Variants in RABGAP1L observed in about 807,000 individuals in gnomAD.
The protein encoded by RABGAP1L is RAB GTPase activating protein 1 like.
RABGAP1L carries 63 observed loss-of-function variants against 137.7 expected under a neutral mutation model. That is an observed-to-expected ratio of 0.46 (90% CI 0.37 to 0.56). The LOEUF is 0.56. Ranked by LOEUF, RABGAP1L falls within the 20% of genes least tolerant of loss-of-function variation. RABGAP1L has a pLI of 0.00. For missense variants in RABGAP1L, 1,095 were observed against 1,244.0 expected (o/e 0.88, Z 1.80); for synonymous variants, 431 against 433.7 (o/e 0.99, Z 0.08).
At chr1:174,534,141 T>C (rs1664684028) in intron 13 of RABGAP1L, among the ~76,000 whole-genome samples, 1 of 98,512 alleles carries the variant, frequency 1.0e-5, no homozygotes, top group Non-Finnish European at 2.1e-5. Flanking sequence ...TCTGTGTGTG[T>C]GTGTGTGTGT....
At chr1:174,363,980 A>G (rs1346002311) in intron 11 of RABGAP1L, among the ~76,000 whole-genome samples, 1 of 151,798 alleles carries the variant, frequency 6.6e-6, no homozygotes, top group Non-Finnish European at 1.5e-5. Context: ...GGATCAGTGT[A>G]CATCACTGAT....
At chr1:174,350,405 C>T (rs1375876449) in intron 11 of RABGAP1L, among the ~76,000 whole-genome samples, 1 of 92,450 alleles carries the variant, frequency 1.1e-5, no homozygotes, top group Non-Finnish European at 2.2e-5. Flanking sequence ...CTCCTCACCT[C>T]CCAGACGGGG....
intron 13 of RABGAP1L, among the ~76,000 whole-genome samples, chr1:174,506,640 C>A (rs1181247310): frequency 6.6e-6 from 1 of 152,042 alleles, no homozygotes; most frequent in African/African-American, 2.4e-5. Context: ...TTAGGTAATG[C>A]GTGTGTTAAA....
chr1:174,615,402 C>G (rs558887797), intron 13 of RABGAP1L, among the ~76,000 whole-genome samples: 1 of 152,192 alleles, frequency 6.6e-6, no homozygotes, highest in African/African-American at 2.4e-5. Context: ...TTTTCGTGAA[C>G]CACAAATGCT....
At chr1:174,742,950 G>C (rs1353934475) in intron 17 of RABGAP1L, among the ~76,000 whole-genome samples, 1 of 152,088 alleles carries the variant, frequency 6.6e-6, no homozygotes, top group Non-Finnish European at 1.5e-5. Flanking sequence ...CTGAGTGTAG[G>C]GATGACTTAT....
At chr1:174,798,885 C>T (rs746213453) in intron 18 of RABGAP1L, among the ~76,000 whole-genome samples, 20 of 152,162 alleles carry the variant, frequency 1.3e-4, no homozygotes, top group Admixed American at 2.6e-4. Flanking sequence ...GAGACTGTCC[C>T]TATGGTGATT....
rs76709588 is a variant in RABGAP1L, at chr1:174,218,963, G to T, written c.-33-162G>T. ...AGAGAGAGTACATTTCCATTAAGTG[G>T]CTCAGTCCAAGAAGGTAGCCTCCCT... On this transcript the variant is annotated intron_variant, in intron 1 of 25. Transcript: ENST00000681986. 3.9e-5 allele frequency among the ~76,000 whole-genome samples: 6 copies of T among 152,174 alleles called. No individual in the cohort carries two copies. In the East Asian group the frequency reaches 1.2e-3, roughly 29 times the overall value.
chr1:174,926,547 A>AT (rs1484670538), intron 19 of RABGAP1L, among the ~76,000 whole-genome samples: 1 of 151,658 alleles, frequency 6.6e-6, no homozygotes, highest in East Asian at 1.9e-4. Context: ...TACATTTTAA[A>AT]TTGGTTGTTG....
chr1:174,738,142 A>C (rs1476362494), intron 17 of RABGAP1L, among the ~76,000 whole-genome samples: 1 of 152,142 alleles, frequency 6.6e-6, no homozygotes, highest in Non-Finnish European at 1.5e-5. Context: ...TTCAAGGAGG[A>C]GATTACCTTG....
chr1:174,872,146 G>T lies in RABGAP1L; in HGVS notation c.2340+60186G>T, dbSNP rs569987379. On this transcript the variant is annotated intron_variant, in intron 19 of 25. Transcript: ENST00000681986. Reference sequence around the variant, plus strand: ...TTTTCTTTTTTTAGTTTAATGCTAGGTTTTTTTTTTCTTTTTTTGAACAAT... The same window carrying T: ...TTTTCTTTTTTTAGTTTAATGCTAGTTTTTTTTTTTCTTTTTTTGAACAAT... Among the ~76,000 whole-genome samples the T allele has an allele frequency of 6.0e-5, 9 of 148,796 alleles. No homozygotes were observed. In the East Asian group the frequency reaches 1.6e-3, roughly 26 times the overall value.
intron 1 of RABGAP1L, among the ~76,000 whole-genome samples, chr1:174,200,185 ATG>A (rs1465786267): frequency 6.6e-6 from 1 of 152,212 alleles, no homozygotes; most frequent in Admixed American, 6.5e-5. Context: ...CACATCTCAT[ATG>A]TGTGTGAAAA....
intron 1 of RABGAP1L, among the ~76,000 whole-genome samples, chr1:174,217,094 C>T (rs1463677154): frequency 1.3e-5 from 2 of 152,036 alleles, no homozygotes; most frequent in Admixed American, 6.6e-5. Context: ...GTGGGTCTGA[C>T]ATGACTTGCT....
At chr1:174,312,539 C>T (rs995844373) in intron 11 of RABGAP1L, among the ~76,000 whole-genome samples, 4 of 152,106 alleles carry the variant, frequency 2.6e-5, no homozygotes, top group African/African-American at 9.7e-5. Flanking sequence ...TATTTTCTCC[C>T]ATCCTGTGAG....
intron 8 of RABGAP1L, 89 bp from the exon 9 acceptor site, chr1:174,275,741 TTAA>T: frequency 2.2e-6 from 2 of 892,214 alleles, no homozygotes; most frequent in Non-Finnish European, 3.4e-6. Context: ...AATCTAAATT[TTAA>T]TAATTTGTAT....
At chr1:174,739,236 T>TA (rs1683192061) in intron 17 of RABGAP1L, among the ~76,000 whole-genome samples, 2 of 152,228 alleles carry the variant, frequency 1.3e-5, no homozygotes. Context: ...TATGACTAGA[T>TA]ATACTTTTAG....
rs566343192 is a variant in RABGAP1L, at chr1:174,892,239, G to A, written c.2341-65218G>A. On this transcript the variant is annotated intron_variant, in intron 19 of 25. Transcript: ENST00000681986. ...TGCCCTCTCCCGCCTGGGCTCAGCC[G>A]CCACCCGTGAGCGAACTCAGCCCGG... Among the ~76,000 whole-genome samples the A allele has an allele frequency of 1.6e-4, 24 of 152,332 alleles. No homozygotes were observed. The South Asian group carries it at 4.6e-3, about 29-fold the overall frequency.
chr1:174,349,662 A>T (rs7513038), intron 11 of RABGAP1L, among the ~76,000 whole-genome samples: 3 of 73,618 alleles, frequency 4.1e-5, no homozygotes, highest in East Asian at 5.6e-4. Context: ...CTCCCGGACG[A>T]GGCGGCTGGC....
intron 13 of RABGAP1L, among the ~76,000 whole-genome samples, chr1:174,555,096 T>C (rs533045645): frequency 6.6e-5 from 10 of 152,210 alleles, no homozygotes; most frequent in Non-Finnish European, 2.9e-5. Flanking sequence ...AAGCATACTT[T>C]CACAATTTTA....
intron 4 of RABGAP1L, among the ~76,000 whole-genome samples, chr1:174,232,549 C>T (rs577688604): frequency 3.3e-5 from 5 of 151,120 alleles, no homozygotes; most frequent in Non-Finnish European, 7.4e-5. Context: ...TTTGGAAGGC[C>T]GAGGTGGGTG....
Sources: gnomAD v4.1 joint callset for allele counts (sites outside exome capture counted in the v4.1 genomes callset) on GRCh38, gnomAD v4.1.1 for gene constraint, MANE v1.5 for transcripts, NCBI Gene and HGNC (gene_info 2026-07-23, HGNC 2026-07-21) for gene names.